Variants in AGTPBP1 observed in about 807,000 individuals in gnomAD.
The protein encoded by AGTPBP1 is cytosolic carboxypeptidase 1.
Under a neutral mutation model 143.9 loss-of-function variants are expected in AGTPBP1, and 70 were observed. That is an observed-to-expected ratio of 0.49 (90% CI 0.40 to 0.59). The LOEUF (loss-of-function observed/expected upper bound fraction) is 0.59. Ranked by LOEUF, AGTPBP1 falls within the 20% of genes least tolerant of loss-of-function variation. The pLI is 0.00. For missense variants in AGTPBP1, 1,229 were observed against 1,464.5 expected (o/e 0.84, Z 2.62); for synonymous variants, 463 against 500.2 (o/e 0.93, Z 0.99).
intron 23 of AGTPBP1, among the ~76,000 whole-genome samples, chr9:85,581,652 T>C (rs1170058387): frequency 6.6e-6 from 1 of 152,196 alleles, no homozygotes; most frequent in Non-Finnish European, 1.5e-5. Context: ...GGAATGATGA[T>C]CTACTATCCA....
intron 25 of AGTPBP1, among the ~76,000 whole-genome samples, chr9:85,565,547 C>T (rs1225734811): frequency 6.6e-6 from 1 of 152,090 alleles, no homozygotes; most frequent in Non-Finnish European, 1.5e-5. Context: ...TCCAGAAGAG[C>T]ACAGACAATA....
intron 25 of AGTPBP1, among the ~76,000 whole-genome samples, chr9:85,558,011 T>C (rs1429651854): frequency 1.3e-5 from 2 of 152,212 alleles, no homozygotes; most frequent in Non-Finnish European, 2.9e-5. Flanking sequence ...TATCAAAACA[T>C]ACCAAATTAG....
intron 25 of AGTPBP1, among the ~76,000 whole-genome samples, chr9:85,571,784 A>G (rs890597999): frequency 6.6e-6 from 1 of 152,074 alleles, no homozygotes; most frequent in African/African-American, 2.4e-5. Flanking sequence ...ACACACACAG[A>G]CTCAGATTGA....
At chr9:85,746,646 G>T (rs189597421), upstream of AGTPBP1, among the ~76,000 whole-genome samples, 16 of 151,938 alleles carry the variant, frequency 1.1e-4, no homozygotes, top group African/African-American at 2.9e-4. Context: ...AAGAAAGAGT[G>T]GGGGGAGAGA....
At chr9:85,581,267 GC>G (rs1828242002) in intron 23 of AGTPBP1, among the ~76,000 whole-genome samples, 1 of 152,120 alleles carries the variant, frequency 6.6e-6, no homozygotes, top group Non-Finnish European at 1.5e-5. Flanking sequence ...AAAATGGAAA[GC>G]ACGCAGGACT....
intron 17 of AGTPBP1, among the ~76,000 whole-genome samples, chr9:85,601,350 T>C (rs1829658010): frequency 6.6e-6 from 1 of 152,172 alleles, no homozygotes; most frequent in African/African-American, 2.4e-5. Flanking sequence ...CGTGAGGGGC[T>C]TGAGGACAGG....
the AGTPBP1 span, among the ~76,000 whole-genome samples, chr9:85,787,494 G>A: frequency 3.9e-5 from 6 of 152,050 alleles, no homozygotes; most frequent in African/African-American, 1.2e-4. Flanking sequence ...GTCAGGCTTT[G>A]CACACTGGCC....
At chr9:85,581,833 A>T (rs1265705487) in intron 23 of AGTPBP1, among the ~76,000 whole-genome samples, 2 of 152,190 alleles carry the variant, frequency 1.3e-5, no homozygotes, top group Non-Finnish European at 2.9e-5. Flanking sequence ...AAAATCCATT[A>T]TGTTCCAAAT....
At chr9:85,690,371 T>C (rs1211036227) in intron 3 of AGTPBP1, among the ~76,000 whole-genome samples, 6 of 152,184 alleles carry the variant, frequency 3.9e-5, no homozygotes, top group Non-Finnish European at 8.8e-5. Flanking sequence ...AGAGTCACTA[T>C]ATTATACACC....
intron 1 of AGTPBP1, among the ~76,000 whole-genome samples, chr9:85,739,575 G>C (rs1436647521): frequency 6.6e-6 from 1 of 152,078 alleles, no homozygotes; most frequent in Non-Finnish European, 1.5e-5. Context: ...GGGCGTGGTG[G>C]TGTGCTCCTG....
the AGTPBP1 span, among the ~76,000 whole-genome samples, chr9:85,774,443 C>T: frequency 6.6e-6 from 1 of 151,960 alleles, no homozygotes; most frequent in African/African-American, 2.4e-5. Context: ...CTGTCATATT[C>T]CTAGTTATAT....
chr9:85,750,692 A>G, the AGTPBP1 span, among the ~76,000 whole-genome samples: 1 of 152,064 alleles, frequency 6.6e-6, no homozygotes, highest in South Asian at 2.1e-4. Context: ...CCAGCTGGAA[A>G]TTGTTCTCCC....
chr9:85,579,962 T>C (rs951040010), intron 23 of AGTPBP1, among the ~76,000 whole-genome samples: 1 of 151,840 alleles, frequency 6.6e-6, no homozygotes, highest in Non-Finnish European at 1.5e-5. Context: ...AACTTCAGAA[T>C]GGGTCGGGCT....
intron 8 of AGTPBP1, among the ~76,000 whole-genome samples, chr9:85,664,840 C>T (rs1004615946): frequency 3.9e-5 from 6 of 152,126 alleles, no homozygotes; most frequent in African/African-American, 1.4e-4. Context: ...ACTCCACTTA[C>T]CATTCAATGC....
intron 1 of AGTPBP1, among the ~76,000 whole-genome samples, chr9:85,722,362 T>C (rs572418270): frequency 1.7e-4 from 26 of 152,332 alleles, no homozygotes; most frequent in Non-Finnish European, 2.9e-4. Flanking sequence ...GGAGGCTTTC[T>C]TCGTTTCTTT....
intron 25 of AGTPBP1, among the ~76,000 whole-genome samples, chr9:85,561,306 T>C (rs1337668223): frequency 1.3e-5 from 2 of 151,172 alleles, no homozygotes; most frequent in Non-Finnish European, 2.9e-5. Flanking sequence ...GAGAATCACT[T>C]GAACCTGGGA....
intron 19 of AGTPBP1, among the ~76,000 whole-genome samples, chr9:85,591,397 A>C (rs778481370): frequency 3.9e-5 from 6 of 152,096 alleles, no homozygotes; most frequent in Admixed American, 6.6e-5. Flanking sequence ...ACTGAATCCT[A>C]GGACACTAGT....
upstream of AGTPBP1, chr9:85,742,009 G>T: frequency 8.3e-7 from 1 of 1,206,266 alleles, no homozygotes. Context: ...CGCCTTGCCA[G>T]CCGGCTCCCA....
chr9:85,618,136 T>C (rs1419874048), intron 17 of AGTPBP1, among the ~76,000 whole-genome samples: 1 of 151,306 alleles, frequency 6.6e-6, no homozygotes, highest in African/African-American at 2.4e-5. Flanking sequence ...GGGGGTCTGA[T>C]GCAGGGGAAT....
Sources: allele counts gnomAD v4.1 joint callset (sites outside exome capture counted in the v4.1 genomes callset), GRCh38; gene constraint gnomAD v4.1.1; transcripts MANE v1.5; gene names NCBI Gene and HGNC (gene_info 2026-07-23, HGNC 2026-07-21).